JMJD1C: variants seen among roughly 807,000 people sequenced by gnomAD.
JMJD1C encodes jumonji domain containing 1C.
A neutral mutation model predicts 245.3 loss-of-function variants in JMJD1C; 31 were observed. That is an observed-to-expected ratio of 0.13 (90% CI 0.09 to 0.17). JMJD1C has a LOEUF of 0.17. Among genes scored for constraint, JMJD1C ranks in the 10% least tolerant of loss-of-function variants. JMJD1C has a pLI of 1.00. For missense variants in JMJD1C, 2,691 were observed against 3,000.2 expected (o/e 0.90, Z 2.41); for synonymous variants, 1,057 against 1,017.4 (o/e 1.04, Z -0.74).
rs551763704 is a variant in JMJD1C, at chr10:63,430,618, C to A, written c.168+34877G>T. On this transcript the variant is annotated intron_variant, in intron 1 of 25. Transcript: ENST00000399262. ...GAAGAGGAACACAAGTGACTGCTAA[C>A]GGATAGTGAGTTTCTTTTGGGGGTA... 2.0e-5 allele frequency among the ~76,000 whole-genome samples: 3 copies of A among 152,236 alleles called. No individual in the cohort carries two copies. The East Asian group carries it at 5.8e-4, about 29-fold the overall frequency.
intron 2 of JMJD1C, among the ~76,000 whole-genome samples, chr10:63,275,621 T>C (rs1450260124): frequency 1.3e-5 from 2 of 152,210 alleles, no homozygotes; most frequent in Admixed American, 6.5e-5. Flanking sequence ...GATTTTACTA[T>C]GGAAAATATG....
At chr10:63,316,405 T>C (rs1564776783) in intron 2 of JMJD1C, among the ~76,000 whole-genome samples, 2 of 152,198 alleles carry the variant, frequency 1.3e-5, no homozygotes, top group East Asian at 3.8e-4. Flanking sequence ...TTTTGGTTTG[T>C]TTTGTGTGTA....
chr10:63,172,576 G>A (rs1026033010), intron 24 of JMJD1C, among the ~76,000 whole-genome samples: 1 of 151,914 alleles, frequency 6.6e-6, no homozygotes, highest in African/African-American at 2.4e-5. Context: ...GTTCCAGTGG[G>A]GGTTAAAAGA....
At chr10:63,191,760 G>A (rs920385041) in intron 16 of JMJD1C, among the ~76,000 whole-genome samples, 4 of 151,712 alleles carry the variant, frequency 2.6e-5, no homozygotes, top group South Asian at 2.1e-4. Flanking sequence ...TGAGGCAGGC[G>A]GATCACTTGA....
chr10:63,412,987 A>T (rs10761758), intron 1 of JMJD1C, among the ~76,000 whole-genome samples: 63,576 of 152,026 alleles, frequency 0.42, 14,048 homozygotes, highest in South Asian at 0.53. Context: ...GATGATATTG[A>T]TTTAATTAAA....
At chr10:63,291,214 A>C (rs1858644597) in intron 2 of JMJD1C, among the ~76,000 whole-genome samples, 1 of 147,270 alleles carries the variant, frequency 6.8e-6, no homozygotes, top group Non-Finnish European at 1.5e-5. Context: ...AGGCTGAGGC[A>C]GGAGAATCGC....
intron 2 of JMJD1C, among the ~76,000 whole-genome samples, chr10:63,307,506 T>C (rs1036847411): frequency 6.6e-6 from 1 of 152,000 alleles, no homozygotes; most frequent in African/African-American, 2.4e-5. Context: ...GCAAAGTGGG[T>C]AGAAACAGAA....
chr10:63,176,610 G>GT (rs1842877260), intron 23 of JMJD1C, 137 bp from the exon 24 acceptor site: 1 of 648,154 alleles, frequency 1.5e-6, no homozygotes, highest in African/African-American at 1.8e-5. Flanking sequence ...AGCTTCTTCA[G>GT]TTAAAAAATA....
At chr10:63,176,702 C>T in intron 23 of JMJD1C, 1 of 420,834 alleles carries the variant, frequency 2.4e-6, no homozygotes, top group Non-Finnish European at 4.3e-6. Context: ...TTACTACTTC[C>T]TTCTCACCAC....
In JMJD1C at chr10:63,520,522, C is replaced by A. The variant is rs1352297923; in HGVS notation, n.113+1216G>T. Among the ~76,000 whole-genome samples the A allele has an allele frequency of 7.4e-3, 923 of 125,162 alleles. 12 individuals are homozygous for A. The highest frequency in any genetic ancestry group is 0.011 in the Non-Finnish European group (619 of 57,156). The allele number at this position is 125,162 out of a possible 152,430, so 82.1% of individuals were successfully genotyped here. Reference sequence around the variant, plus strand: ...TACTGTCACAAAAAAAAAAAAAAAACAGTTTTAAAAGTCTGCCCTTGAAAT... The same window carrying A: ...TACTGTCACAAAAAAAAAAAAAAAAAAGTTTTAAAAGTCTGCCCTTGAAAT... On this transcript the variant is annotated intron_variant and non_coding_transcript_variant, in intron 1 of 3. Coordinates refer to the JMJD1C transcript ENST00000633035.
intron 1 of JMJD1C, among the ~76,000 whole-genome samples, chr10:63,419,431 G>T (rs999674654): frequency 1.3e-5 from 2 of 151,998 alleles, no homozygotes; most frequent in Non-Finnish European, 2.9e-5. Flanking sequence ...AAGTTTGGGG[G>T]TTTTAAGCCA....
chr10:63,266,034 C>T (rs1855535294), intron 2 of JMJD1C, among the ~76,000 whole-genome samples: 1 of 151,988 alleles, frequency 6.6e-6, no homozygotes, highest in African/African-American at 2.4e-5. Context: ...GGTTGACTCA[C>T]TGCAATCTGT....
intron 2 of JMJD1C, among the ~76,000 whole-genome samples, chr10:63,339,401 G>T (rs1367758417): frequency 2.0e-5 from 3 of 152,122 alleles, no homozygotes; most frequent in Non-Finnish European, 4.4e-5. Context: ...CATATACACG[G>T]TATGAGAAAA....
intron 1 of JMJD1C, among the ~76,000 whole-genome samples, chr10:63,514,365 T>C (rs2133294285): frequency 6.6e-6 from 1 of 152,072 alleles, no homozygotes; most frequent in South Asian, 2.1e-4. Context: ...AGCAAACACA[T>C]GGAATTAACC....
At chr10:63,241,740 C>T (rs961318469) in intron 3 of JMJD1C, among the ~76,000 whole-genome samples, 2 of 152,178 alleles carry the variant, frequency 1.3e-5, no homozygotes, top group African/African-American at 4.8e-5. Context: ...TTCTAATATG[C>T]TAAACAGTTA....
chr10:63,223,994 C>T (rs188009893), intron 3 of JMJD1C, among the ~76,000 whole-genome samples: 10 of 152,180 alleles, frequency 6.6e-5, no homozygotes, highest in Middle Eastern at 3.4e-3. Context: ...CCTCTTGATC[C>T]GCCTGCGTCC....
intron 2 of JMJD1C, among the ~76,000 whole-genome samples, chr10:63,377,591 C>T (rs1018099739): frequency 2.0e-5 from 3 of 151,944 alleles, no homozygotes; most frequent in African/African-American, 4.8e-5. Flanking sequence ...GAAAATTAGC[C>T]GGGCATGATG....
rs530277319 is a variant in JMJD1C at position 63,399,866 on chromosome 10, G to A, written c.169-19384C>T. ...CACATCTAGAAAACAAGGTATATTC[G>A]GAGAATTCTAGCTAGTCCTTCTATA... On this transcript the variant is annotated intron_variant, in intron 1 of 25. Transcript: ENST00000399262. Among the ~76,000 whole-genome samples the A allele has an allele frequency of 3.3e-4, 49 of 150,290 alleles. 1 individual carries two copies. The highest frequency in any genetic ancestry group is 1.1e-3 in the African/African-American group (47 of 40,884).
chr10:63,494,719 T>C (rs1448081340), intron 1 of JMJD1C, among the ~76,000 whole-genome samples: 1 of 152,212 alleles, frequency 6.6e-6, no homozygotes, highest in African/African-American at 2.4e-5. Flanking sequence ...CCTTGCAGTA[T>C]TGTTATTGTA....
Sources: gnomAD v4.1 joint callset for allele counts (sites outside exome capture counted in the v4.1 genomes callset) on GRCh38, gnomAD v4.1.1 for gene constraint, MANE v1.5 for transcripts, NCBI Gene and HGNC (gene_info 2026-07-23, HGNC 2026-07-21) for gene names.